Variants in CADPS2 observed in about 807,000 individuals in gnomAD.
CADPS2 encodes the protein calcium dependent secretion activator 2.
In CADPS2, 93 loss-of-function variants were observed where a neutral mutation model predicts 172.5. The ratio of observed to expected loss-of-function variants is 0.54; its 90% CI spans 0.46 to 0.64. The LOEUF is 0.64. CADPS2 is among the 30% of genes least tolerant of loss of function. The probability of loss-of-function intolerance (pLI) is 0.00; values close to 1 mark genes in which losing one functional copy is unlikely to be tolerated. For synonymous variants in CADPS2, 546 were observed against 555.2 expected (o/e 0.98, Z 0.23); for missense variants, 1,420 against 1,565.9 (o/e 0.91, Z 1.57).
chr7:122,829,309 A>G (rs1310646860), intron 1 of CADPS2, among the ~76,000 whole-genome samples: 3 of 152,226 alleles, frequency 2.0e-5, no homozygotes, highest in Non-Finnish European at 4.4e-5. Flanking sequence ...CAAACATGCC[A>G]TATTTTTCCT....
chr7:122,458,423 T>G (rs1390541558), intron 14 of CADPS2, among the ~76,000 whole-genome samples: 1 of 152,208 alleles, frequency 6.6e-6, no homozygotes, highest in East Asian at 1.9e-4. Context: ...TATTACACAC[T>G]CAGTGTCCTT....
At chr7:122,750,760 G>C (rs1440950602) in intron 1 of CADPS2, among the ~76,000 whole-genome samples, 1 of 152,098 alleles carries the variant, frequency 6.6e-6, no homozygotes, top group Non-Finnish European at 1.5e-5. Context: ...AAAAATGCAG[G>C]TACGAAAGAC....
chr7:122,637,171 C>CTTTTTTTTT lies in CADPS2; in HGVS notation c.787-7852_787-7844dup, dbSNP rs71161313. Among the ~76,000 whole-genome samples the CTTTTTTTTT allele has an allele frequency of 5.6e-5, 3 of 53,904 alleles. 1 individual carries two copies. Among genetic ancestry groups the CTTTTTTTTT allele is most frequent in the Non-Finnish European group, 1.1e-4 (3 of 27,198 alleles). 35.4% of individuals were successfully genotyped at this position (53,904 alleles called of 152,430 possible). ...CTTCTGACTGCATTATGAAATTTTG[C>CTTTTTTTTT]TTTTTTTTTTTTTTTTTTTTTTTTT... On this transcript the variant is annotated intron_variant, in intron 3 of 29. Coordinates refer to ENST00000449022, the MANE Select transcript of CADPS2 (RefSeq NM_017954.11).
intron 17 of CADPS2, among the ~76,000 whole-genome samples, chr7:122,422,331 T>C (rs1323639055): frequency 6.6e-6 from 1 of 152,142 alleles, no homozygotes; most frequent in Admixed American, 6.5e-5. Flanking sequence ...ATCTAATTTC[T>C]TCTACGTGGA....
intron 6 of CADPS2, among the ~76,000 whole-genome samples, chr7:122,584,969 G>A (rs924280480): frequency 6.6e-6 from 1 of 151,794 alleles, no homozygotes; most frequent in African/African-American, 2.4e-5. Flanking sequence ...TCCATTATGG[G>A]TACATTATTG....
chr7:122,689,479 C>T (rs2084049337), intron 2 of CADPS2, among the ~76,000 whole-genome samples: 2 of 152,218 alleles, frequency 1.3e-5, no homozygotes, highest in Non-Finnish European at 2.9e-5. Context: ...ACAGTAATGA[C>T]ACCTGCTCCA....
chr7:122,323,581 A>G (rs892460018), intron 29 of CADPS2, among the ~76,000 whole-genome samples: 1 of 151,854 alleles, frequency 6.6e-6, no homozygotes, highest in African/African-American at 2.4e-5. Context: ...AAAAAATTTC[A>G]CTCTTGCTTA....
intron 25 of CADPS2, among the ~76,000 whole-genome samples, chr7:122,369,127 T>TTC (rs2041382927): frequency 1.4e-3 from 71 of 49,760 alleles, no homozygotes; most frequent in South Asian, 2.3e-3. Context: ...AATTTTTGTT[T>TTC]CCCCCCCCCC....
chr7:122,841,358 C>A (rs1293870401), intron 1 of CADPS2, among the ~76,000 whole-genome samples: 1 of 151,814 alleles, frequency 6.6e-6, no homozygotes, highest in African/African-American at 2.4e-5. Context: ...AAAGTAGGAG[C>A]CCCAGAAAAA....
chr7:122,524,412 A>G (rs2061041702), intron 8 of CADPS2, among the ~76,000 whole-genome samples: 1 of 152,134 alleles, frequency 6.6e-6, no homozygotes, highest in African/African-American at 2.4e-5. Flanking sequence ...TAAACTACAT[A>G]CACTCTAAAA....
intron 3 of CADPS2, among the ~76,000 whole-genome samples, chr7:122,653,271 AAC>A (rs1193232317): frequency 6.6e-6 from 1 of 152,204 alleles, no homozygotes; most frequent in African/African-American, 2.4e-5. Context: ...CACAAGGGTA[AAC>A]ACATACAGAA....
At chr7:122,885,348 T>C (rs1408555137) in intron 1 of CADPS2, among the ~76,000 whole-genome samples, 3 of 151,982 alleles carry the variant, frequency 2.0e-5, no homozygotes, top group Non-Finnish European at 2.9e-5. Flanking sequence ...TCATCAGTAA[T>C]AGTATATTTC....
intron 2 of CADPS2, among the ~76,000 whole-genome samples, chr7:122,691,644 C>T (rs187262583): frequency 1.3e-5 from 2 of 152,336 alleles, no homozygotes; most frequent in East Asian, 3.9e-4. Flanking sequence ...CCTGCAGTGA[C>T]ACTATGAAAG....
chr7:122,781,522 T>C (rs1273904487), intron 1 of CADPS2, among the ~76,000 whole-genome samples: 11 of 152,192 alleles, frequency 7.2e-5, no homozygotes, highest in Admixed American at 5.9e-4. Flanking sequence ...ATTTATTTCC[T>C]TCAACTGCTA....
At chr7:122,427,332 T>C (rs2049298041) in intron 17 of CADPS2, 1 of 152,154 alleles carries the variant, frequency 6.6e-6, no homozygotes, top group South Asian at 2.1e-4. Context: ...GCACGCTATG[T>C]TTTATAAGAA....
chr7:122,801,694 T>C (rs926393198), intron 1 of CADPS2, among the ~76,000 whole-genome samples: 1 of 151,912 alleles, frequency 6.6e-6, no homozygotes, highest in African/African-American at 2.4e-5. Flanking sequence ...AAGAAAAAAA[T>C]GTAAAAATTG....
intron 2 of CADPS2, among the ~76,000 whole-genome samples, chr7:122,708,770 T>C (rs1395772194): frequency 6.6e-6 from 1 of 151,754 alleles, no homozygotes; most frequent in Non-Finnish European, 1.5e-5. Flanking sequence ...ATTTTTTCCT[T>C]ATTCAGTCTA....
chr7:122,579,539 C>G (rs1319414431), intron 7 of CADPS2, among the ~76,000 whole-genome samples: 1 of 147,988 alleles, frequency 6.8e-6, no homozygotes, highest in Admixed American at 6.8e-5. Flanking sequence ...AGCTGATAAA[C>G]AAATTAAAAA....
intron 1 of CADPS2, among the ~76,000 whole-genome samples, chr7:122,809,458 G>A (rs1799530608): frequency 6.6e-6 from 1 of 151,388 alleles, no homozygotes; most frequent in Non-Finnish European, 1.5e-5. Context: ...GTGGGTGCCT[G>A]TAATCCCAGC....
Sources: gnomAD v4.1 joint callset for allele counts (sites outside exome capture counted in the v4.1 genomes callset) on GRCh38, gnomAD v4.1.1 for gene constraint, MANE v1.5 for transcripts, NCBI Gene and HGNC (gene_info 2026-07-23, HGNC 2026-07-21) for gene names.